LMO1: variants seen among roughly 807,000 people sequenced by gnomAD.
LMO1 encodes the protein rhombotin-1.
In LMO1, 10 loss-of-function variants were observed where a neutral mutation model predicts 18.0. The ratio of observed to expected loss-of-function variants is 0.55; its 90% CI spans 0.34 to 0.94. The LOEUF (loss-of-function observed/expected upper bound fraction) is 0.94. Among genes scored for constraint, LMO1 ranks in the 40% least tolerant of loss-of-function variants. The probability of loss-of-function intolerance (pLI) is 0.02; values close to 1 mark genes in which losing one functional copy is unlikely to be tolerated. For synonymous variants in LMO1, 77 were observed against 77.9 expected (o/e 0.99, Z 0.06); for missense variants, 183 against 205.7 (o/e 0.89, Z 0.68).
intron 1 of LMO1, among the ~76,000 whole-genome samples, chr11:8,237,571 A>T (rs1488975268): frequency 6.6e-6 from 1 of 152,258 alleles, no homozygotes; most frequent in Non-Finnish European, 1.5e-5. Context: ...ACGCGCGGCT[A>T]CAGCCACCCA....
In LMO1 at chr11:8,239,750, C is replaced by T. The variant is rs912040959; in HGVS notation, c.26-9246G>A. On this transcript the variant is annotated intron_variant, in intron 1 of 3. Transcript: ENST00000335790. ...GGGCCTGGTTCAGGGTGAAGTCCAG[C>T]AATGCTTGTCTGCTCTAAGTGCCAA... Among the ~76,000 whole-genome samples, 11 of 152,254 alleles carry T rather than the reference C, an allele frequency of 7.2e-5. No homozygotes were observed. In the South Asian group the frequency reaches 8.3e-4, roughly 11 times the overall value.
In LMO1 at chr11:8,224,776, G is replaced by C. The variant is rs551308375; in HGVS notation, c.366-55C>G. 2.3e-4 allele frequency: 279 copies of C among 1,205,130 alleles called. No homozygotes were observed. In the African/African-American group the frequency reaches 3.5e-3, roughly 15 times the overall value. The allele number at this position is 1,205,130 out of a possible 1,614,324, so 74.7% of individuals were successfully genotyped here. A position where few individuals can be genotyped will look rare whatever the true frequency, so the allele number is the denominator to read the frequency against. The stretch of plus-strand genomic sequence containing the variant: ...ATGGGAAGGTCCCAGTGGGTAAGGG[G>C]GGGGCTGCAGACAGAAGCCGGCCTG... On this transcript the variant is annotated intron_variant, in intron 3 of 3. Coordinates refer to ENST00000335790, the MANE Select transcript of LMO1 (RefSeq NM_002315.3).
chr11:8,224,424 C>T lies in LMO1; in HGVS notation c.*192G>A. On this transcript the variant is annotated 3_prime_UTR_variant, in exon 4 of 4. Transcript: ENST00000335790. ...ACAGACTGTACAGGCCCGGCCTGGC[C>T]CCAGGAGGGGTCACACACAGACGGG... 1.7e-6 allele frequency: 1 copy of T among 596,906 alleles called. No individual in the cohort carries two copies. The highest frequency in any genetic ancestry group is 3.0e-6 in the Non-Finnish European group (1 of 334,700). The allele number at this position is 596,906 out of a possible 1,614,324, so 37.0% of individuals were successfully genotyped here. A position where few individuals can be genotyped will look rare whatever the true frequency, so the allele number is the denominator to read the frequency against.
At chr11:8,266,947 A>T (rs1419929559), upstream of LMO1, among the ~76,000 whole-genome samples, 2 of 152,222 alleles carry the variant, frequency 1.3e-5, no homozygotes, top group African/African-American at 4.8e-5. Context: ...AAACCTACAG[A>T]CTTCGCAGTG....
intron 1 of LMO1, among the ~76,000 whole-genome samples, chr11:8,235,094 A>G (rs191622236): frequency 1.6e-4 from 25 of 152,328 alleles, no homozygotes; most frequent in African/African-American, 5.8e-4. Context: ...CATAGCACAG[A>G]GTCTGGTGCC....
At chr11:8,268,407 A>G (rs550367654), upstream of LMO1, 4 of 1,467,318 alleles carry the variant, frequency 2.7e-6, no homozygotes, top group East Asian at 3.0e-5. Flanking sequence ...GGGCACCGGC[A>G]CCGGGCGCCG....
intron 1 of LMO1, among the ~76,000 whole-genome samples, chr11:8,254,582 G>A (rs1328271004): frequency 5.4e-5 from 8 of 147,974 alleles, no homozygotes; most frequent in Non-Finnish European, 7.6e-5. Flanking sequence ...AGGAAAACCT[G>A]AAAGAGGCAA....
chr11:8,239,950 T>TGAGTGCA (rs1254726472), intron 1 of LMO1, among the ~76,000 whole-genome samples: 1 of 152,214 alleles, frequency 6.6e-6, no homozygotes, highest in Non-Finnish European at 1.5e-5. Context: ...GTCATGACCC[T>TGAGTGCA]GAGTGCAGAG....
At chr11:8,263,292 G>T (rs1395363478) in intron 1 of LMO1, 46 bp downstream of exon 1, 1 of 1,575,896 alleles carries the variant, frequency 6.3e-7, no homozygotes, top group Non-Finnish European at 8.6e-7. Context: ...CGCCGCGGCA[G>T]GGGGCGAGGG....
At chr11:8,266,041 C>T (rs947405201), upstream of LMO1, among the ~76,000 whole-genome samples, 21 of 152,168 alleles carry the variant, frequency 1.4e-4, no homozygotes, top group South Asian at 6.2e-4. Flanking sequence ...GGAGTCAGGG[C>T]CCTGTGCCCC....
At chr11:8,226,258 G>A (rs1952539135) in intron 3 of LMO1, among the ~76,000 whole-genome samples, 1 of 152,168 alleles carries the variant, frequency 6.6e-6, no homozygotes, top group Non-Finnish European at 1.5e-5. Context: ...AATCTGGGAG[G>A]CTGAGGTGGG....
chr11:8,238,588 G>A (rs567314402), intron 1 of LMO1, among the ~76,000 whole-genome samples: 150 of 149,098 alleles, frequency 1.0e-3, no homozygotes, highest in African/African-American at 3.4e-3. Flanking sequence ...GGAGAATGGC[G>A]TGAACCTGGG....
chr11:8,225,353 C>T (rs533980046), intron 3 of LMO1, among the ~76,000 whole-genome samples: 7 of 128,542 alleles, frequency 5.4e-5, no homozygotes, highest in Admixed American at 1.0e-4. Flanking sequence ...TGCAGTGAGC[C>T]GAGATCACGC....
intron 1 of LMO1, among the ~76,000 whole-genome samples, chr11:8,231,457 G>A (rs1317174092): frequency 6.6e-6 from 1 of 152,248 alleles, no homozygotes; most frequent in East Asian, 1.9e-4. Flanking sequence ...AGGGACCGTT[G>A]AGGAGGAGAT....
At chr11:8,226,641 CAT>C (rs1952547401) in intron 3 of LMO1, among the ~76,000 whole-genome samples, 1 of 152,222 alleles carries the variant, frequency 6.6e-6, no homozygotes, top group Non-Finnish European at 1.5e-5. Context: ...CCATCATGCA[CAT>C]GTGCCCACTT....
chr11:8,249,852 T>C (rs138944779), intron 1 of LMO1, among the ~76,000 whole-genome samples: 7 of 152,316 alleles, frequency 4.6e-5, no homozygotes, highest in African/African-American at 1.7e-4. Context: ...TCATTCATTA[T>C]CCGCTCAACA....
At chr11:8,259,850 A>G (rs1475766258) in intron 1 of LMO1, among the ~76,000 whole-genome samples, 1 of 152,198 alleles carries the variant, frequency 6.6e-6, no homozygotes, top group Non-Finnish European at 1.5e-5. Context: ...CCTAGCAGTC[A>G]TTAACAATTG....
chr11:8,264,374 T>C (rs1255026032), upstream of LMO1, among the ~76,000 whole-genome samples: 2 of 152,136 alleles, frequency 1.3e-5, no homozygotes, highest in African/African-American at 4.8e-5. Flanking sequence ...TCTACAAATA[T>C]TTACTGAGCA....
chr11:8,228,592 G>A (rs531669450), intron 2 of LMO1, among the ~76,000 whole-genome samples: 10 of 151,072 alleles, frequency 6.6e-5, no homozygotes, highest in African/African-American at 2.4e-4. Flanking sequence ...AGGAAGCCAC[G>A]CTCGCATCCC....
Sources: gnomAD v4.1 joint callset for allele counts (sites outside exome capture counted in the v4.1 genomes callset) on GRCh38, gnomAD v4.1.1 for gene constraint, MANE v1.5 for transcripts, NCBI Gene and HGNC (gene_info 2026-07-23, HGNC 2026-07-21) for gene names.